Variants in EMC1 observed in about 807,000 individuals in gnomAD.
The protein encoded by EMC1 is ER membrane protein complex subunit 1.
A neutral mutation model predicts 128.8 loss-of-function variants in EMC1; 103 were observed. That is an observed-to-expected ratio of 0.80 (90% CI 0.68 to 0.94). The LOEUF (loss-of-function observed/expected upper bound fraction) is 0.94. EMC1 is among the 40% of genes least tolerant of loss of function. EMC1 has a pLI of 0.00. For synonymous variants in EMC1, 442 were observed against 490.4 expected (o/e 0.90, Z 1.30); for missense variants, 1,083 against 1,250.6 (o/e 0.87, Z 2.02).
Position 19,223,128 on chromosome 1 carries a change from G to GTGA in EMC1, c.2376+265_2376+267dup, listed in dbSNP as rs1571974965. 3 of 557,400 alleles carry GTGA rather than the reference G, an allele frequency of 5.4e-6. No homozygotes were observed. The East Asian group carries it at 8.7e-5, about 16-fold the overall frequency. 34.5% of individuals were successfully genotyped at this position (557,400 alleles called of 1,614,324 possible). On this transcript the variant is annotated intron_variant, in intron 19 of 22. Transcript: ENST00000477853. The stretch of plus-strand genomic sequence containing the variant: ...GGCATTGTTCTTTGCTAGACTGAAG[G>GTGA]TGACTGTTATTATCCCTATTTTAAC...
intron 20 of EMC1, chr1:19,221,868 A>T (rs1170305996): frequency 6.6e-6 from 1 of 152,006 alleles, no homozygotes; most frequent in Non-Finnish European, 1.5e-5. Flanking sequence ...GGAGTTCAAG[A>T]CCAGCCTGGC....
intron 17 of EMC1, among the ~76,000 whole-genome samples, chr1:19,230,511 A>G (rs1426778913): frequency 1.3e-5 from 2 of 152,120 alleles, no homozygotes; most frequent in Non-Finnish European, 2.9e-5. Context: ...CAGAGGTTGC[A>G]GTGAGCCGAG....
At chr1:19,223,308 A>G in intron 19 of EMC1, 88 bp downstream of exon 19, 6 of 1,274,060 alleles carry the variant, frequency 4.7e-6, no homozygotes, top group Non-Finnish European at 6.6e-6. Context: ...TCCTAAGAAA[A>G]CCAAAGCAGC....
At chr1:19,242,279 G>A (rs989876141) in intron 5 of EMC1, 66 bp downstream of exon 5, 78 of 1,577,902 alleles carry the variant, frequency 4.9e-5, no homozygotes, top group Admixed American at 6.8e-5. Context: ...CGGGTCCCTC[G>A]AGGAGAAAGA....
intron 1 of EMC1, among the ~76,000 whole-genome samples, chr1:19,246,066 T>C (rs956397526): frequency 6.6e-6 from 1 of 151,994 alleles, no homozygotes; most frequent in Non-Finnish European, 1.5e-5. Context: ...GATCACACCA[T>C]TGCACTCCAA....
intron 1 of EMC1, among the ~76,000 whole-genome samples, chr1:19,249,857 T>A (rs560827622): frequency 1.3e-5 from 2 of 152,184 alleles, no homozygotes; most frequent in South Asian, 4.1e-4. Context: ...AGGTCAAAGC[T>A]GCAGTGAGCC....
chr1:19,223,739 T>C (rs1458388789), intron 18 of EMC1, among the ~76,000 whole-genome samples, 170 bp from the exon 19 acceptor site: 1 of 152,338 alleles, frequency 6.6e-6, no homozygotes. Context: ...TTTATGTGCA[T>C]TGGGTACTGG....
chr1:19,231,167 C>T, intron 16 of EMC1, 94 bp downstream of exon 16: 1 of 1,415,918 alleles, frequency 7.1e-7, no homozygotes, highest in South Asian at 1.4e-5. Flanking sequence ...GTGCTGGGTG[C>T]AGAGAGCACT....
At chr1:19,236,523 G>A (rs1400259134) in intron 12 of EMC1, among the ~76,000 whole-genome samples, 2 of 150,976 alleles carry the variant, frequency 1.3e-5, no homozygotes, top group African/African-American at 4.9e-5. Context: ...AGGCGTGGTG[G>A]TGCATGCCTG....
In EMC1 at chr1:19,240,759, T is replaced by A. The variant is rs1299802308; in HGVS notation, c.636+257A>T. ...TGCCATATGTGGTGTCCTACTGTGA[T>A]TTCACAGCACTGTAAGATACTTACA... On this transcript the variant is annotated intron_variant, in intron 6 of 22. Coordinates refer to ENST00000477853, the MANE Select transcript of EMC1 (RefSeq NM_015047.3). The A allele has an allele frequency of 5.2e-6, 3 of 575,666 alleles. No individual in the cohort carries two copies. The African/African-American group carries it at 5.6e-5, about 11-fold the overall frequency. 35.7% of individuals were successfully genotyped at this position (575,666 alleles called of 1,614,324 possible). A position where few individuals can be genotyped will look rare whatever the true frequency, so the allele number is the denominator to read the frequency against.
At chr1:19,219,730 A>G in intron 21 of EMC1, 32 bp from the exon 22 acceptor site, 2 of 1,613,660 alleles carry the variant, frequency 1.2e-6, no homozygotes, top group Non-Finnish European at 1.7e-6. Flanking sequence ...AGGCAGTCTG[A>G]GCACTGCTGT....
At chr1:19,225,519 C>T (rs530242809) in intron 18 of EMC1, among the ~76,000 whole-genome samples, 116 of 152,116 alleles carry the variant, frequency 7.6e-4, no homozygotes, top group African/African-American at 2.3e-3. Flanking sequence ...TGGTGGTGCG[C>T]GCTTGTAGTC....
intron 18 of EMC1, among the ~76,000 whole-genome samples, chr1:19,225,713 G>A (rs940441759): frequency 2.0e-5 from 3 of 151,882 alleles, no homozygotes; most frequent in African/African-American, 7.3e-5. Flanking sequence ...CAGCTGCTTA[G>A]GAGGCTGAGA....
At chr1:19,229,956 G>A (rs1020410246) in intron 17 of EMC1, among the ~76,000 whole-genome samples, 3 of 152,172 alleles carry the variant, frequency 2.0e-5, no homozygotes, top group Admixed American at 6.5e-5. Context: ...AGGCCTTACA[G>A]GACAGGATGG....
intron 12 of EMC1, 60 bp from the exon 13 acceptor site, chr1:19,235,312 A>G: frequency 6.4e-7 from 1 of 1,563,408 alleles, no homozygotes; most frequent in South Asian, 1.2e-5. Flanking sequence ...TCATGCCTGT[A>G]ATCCCAGCAC....
At chr1:19,230,756 T>C in intron 17 of EMC1, 88 bp downstream of exon 17, 1 of 1,486,108 alleles carries the variant, frequency 6.7e-7, no homozygotes, top group East Asian at 2.3e-5. Context: ...TACAGTAGAA[T>C]GAGTAGCATA....
chr1:19,226,176 A>C (rs184968859), intron 18 of EMC1, among the ~76,000 whole-genome samples: 2 of 152,252 alleles, frequency 1.3e-5, no homozygotes, highest in East Asian at 3.9e-4. Context: ...CTATCATTAC[A>C]TTCTCTCCCA....
chr1:19,243,439 G>T (rs1342376068), intron 4 of EMC1, among the ~76,000 whole-genome samples, 175 bp downstream of exon 4: 1 of 152,150 alleles, frequency 6.6e-6, no homozygotes, highest in African/African-American at 2.4e-5. Context: ...GCATCTAACA[G>T]GCGCTCAATA....
At position 19,235,374 on chromosome 1, in the gene EMC1, C is replaced by T. The variant is rs1296352909; in HGVS notation, c.1310-122G>A. ...CTTGAGCCCAGGAATTTGAGACCAGCCTGGACAACAGGGCAAAACCTTATC... is the reference window on the plus strand; with the variant it reads ...CTTGAGCCCAGGAATTTGAGACCAGTCTGGACAACAGGGCAAAACCTTATC... On this transcript the variant is annotated intron_variant, in intron 12 of 22. Coordinates refer to ENST00000477853, the MANE Select transcript of EMC1 (RefSeq NM_015047.3). 1.5e-5 allele frequency: 15 copies of T among 1,030,654 alleles called. No individual in the cohort carries two copies. In the African/African-American group the frequency reaches 1.6e-4, roughly 11 times the overall value. 63.8% of individuals were successfully genotyped at this position (1,030,654 alleles called of 1,614,324 possible).
Sources: gnomAD v4.1 joint callset for allele counts (sites outside exome capture counted in the v4.1 genomes callset) on GRCh38, gnomAD v4.1.1 for gene constraint, MANE v1.5 for transcripts, NCBI Gene and HGNC (gene_info 2026-07-23, HGNC 2026-07-21) for gene names.